The following DENND1A variants were observed in gnomAD, a reference collection of about 807,000 sequenced individuals.
The protein encoded by DENND1A is DENN domain-containing protein 1A.
A neutral mutation model predicts 113.7 loss-of-function variants in DENND1A; 51 were observed. The observed-to-expected ratio is 0.45, with a 90% CI of 0.36 to 0.57. The LOEUF (loss-of-function observed/expected upper bound fraction) is 0.57, where lower values mean the gene tolerates loss of function less well. Among genes scored for constraint, DENND1A ranks in the 20% least tolerant of loss-of-function variants. The pLI is 0.00. For missense variants in DENND1A, 1,258 were observed against 1,395.9 expected, an observed-to-expected ratio of 0.90 and a Z score of 1.57; for synonymous variants, 565 against 570.8, an observed-to-expected ratio of 0.99 and a Z score of 0.14.
chr9:123,384,359 A>C lies in DENND1A; in HGVS notation c.1761-446T>G, dbSNP rs570172062. On this transcript the variant is annotated intron_variant, in intron 22 of 23. Transcript: ENST00000394215. ...CACAGTCAGGTTCTGTGAACAGCCC[A>C]TGGGGAACTGGGCTGGGGAAGCTCT... Among the ~76,000 whole-genome samples, 5 of 152,310 alleles carry C rather than the reference A, an allele frequency of 3.3e-5. No homozygotes were observed. In the South Asian group the frequency reaches 1.0e-3, roughly 32 times the overall value.
chr9:123,847,366 T>C (rs1842765834), intron 2 of DENND1A, among the ~76,000 whole-genome samples: 1 of 150,600 alleles, frequency 6.6e-6, no homozygotes, highest in African/African-American at 2.4e-5. Context: ...AAAAAGCTGG[T>C]CCTAACCAAG....
At chr9:123,850,672 C>T (rs1466775835) in intron 2 of DENND1A, among the ~76,000 whole-genome samples, 3 of 152,120 alleles carry the variant, frequency 2.0e-5, no homozygotes, top group Admixed American at 6.5e-5. Context: ...TACATAAGCT[C>T]GCCATGCCAT....
At chr9:123,532,019 T>C (rs2055363127) in intron 13 of DENND1A, among the ~76,000 whole-genome samples, 1 of 152,194 alleles carries the variant, frequency 6.6e-6, no homozygotes. Flanking sequence ...AGGGTGTGCA[T>C]GTGTGTTCTG....
intron 21 of DENND1A, chr9:123,401,506 G>A: frequency 8.0e-7 from 1 of 1,249,184 alleles, no homozygotes. Context: ...TCTCCTTGTG[G>A]GCCCGAGCCA....
At chr9:123,868,779 A>C (rs1846126528) in intron 2 of DENND1A, among the ~76,000 whole-genome samples, 1 of 152,218 alleles carries the variant, frequency 6.6e-6, no homozygotes, top group Admixed American at 6.5e-5. Flanking sequence ...CTTTAGGAAA[A>C]AGAAGAAATC....
chr9:123,428,083 C>T (rs143633368), intron 19 of DENND1A, among the ~76,000 whole-genome samples: 278 of 152,268 alleles, frequency 1.8e-3, no homozygotes, highest in African/African-American at 5.8e-3. Context: ...GCAGGTAGAT[C>T]GCTTGAGCTC....
At chr9:123,717,936 C>A (rs1214862029) in intron 5 of DENND1A, among the ~76,000 whole-genome samples, 2 of 152,210 alleles carry the variant, frequency 1.3e-5, no homozygotes, top group African/African-American at 2.4e-5. Context: ...CAACTCTTAA[C>A]AACTCTCCCA....
At chr9:123,766,541 C>T (rs995648970) in intron 4 of DENND1A, among the ~76,000 whole-genome samples, 2 of 152,176 alleles carry the variant, frequency 1.3e-5, no homozygotes, top group African/African-American at 2.4e-5. Flanking sequence ...AATCAAACCT[C>T]GTTTCCTTCC....
chr9:123,408,445 A>G (rs532629906), intron 20 of DENND1A, among the ~76,000 whole-genome samples: 3 of 152,332 alleles, frequency 2.0e-5, no homozygotes, highest in African/African-American at 4.8e-5. Flanking sequence ...GGTGCTATAC[A>G]TACACAACCT....
chr9:123,771,739 C>T (rs570523263), intron 3 of DENND1A, among the ~76,000 whole-genome samples: 3 of 152,242 alleles, frequency 2.0e-5, no homozygotes, highest in Admixed American at 1.3e-4. Context: ...TAATAACCAA[C>T]CTTGAACTTG....
At chr9:123,633,042 T>C (rs912597201) in intron 9 of DENND1A, among the ~76,000 whole-genome samples, 1 of 152,122 alleles carries the variant, frequency 6.6e-6, no homozygotes, top group African/African-American at 2.4e-5. Flanking sequence ...TGAGTAGCTG[T>C]GACTACAGGT....
At chr9:123,657,434 A>AGGGGGGGGGGGAGGGGG (rs2063014132) in intron 8 of DENND1A, among the ~76,000 whole-genome samples, 1 of 124,376 alleles carries the variant, frequency 8.0e-6, no homozygotes. Context: ...TGGGGATGGG[A>AGGGGGGGGGGGAGGGGG]GGGGATATAG....
chr9:123,467,330 C>T (rs1016465607), intron 13 of DENND1A, among the ~76,000 whole-genome samples: 1 of 152,124 alleles, frequency 6.6e-6, no homozygotes, highest in African/African-American at 2.4e-5. Context: ...GTCTCCTTTG[C>T]CAATGTCCTT....
At chr9:123,909,526 G>GAAAAAAAAAAAAAAAA (rs1853577987) in intron 1 of DENND1A, among the ~76,000 whole-genome samples, 1 of 151,906 alleles carries the variant, frequency 6.6e-6, no homozygotes, top group Non-Finnish European at 1.5e-5. Flanking sequence ...ACGTAAAAAT[G>GAAAAAAAAAAAAAAAA]GACAGAAACT....
chr9:123,552,441 G>A (rs1031073190), intron 13 of DENND1A, among the ~76,000 whole-genome samples: 3 of 152,340 alleles, frequency 2.0e-5, no homozygotes, highest in East Asian at 1.9e-4. Flanking sequence ...CAGAAGCAGA[G>A]CAGACAGGAG....
Position 123,411,765 on chromosome 9 carries a change from C to CA in DENND1A, c.1542+10dup, listed in dbSNP as rs755708124. The CA allele has an allele frequency of 5.6e-5, 55 of 985,854 alleles. No individual in the cohort carries two copies. Among genetic ancestry groups the CA allele is most frequent in the Non-Finnish European group, 5.1e-5 (42 of 830,054 alleles). 61.1% of individuals were successfully genotyped at this position (985,854 alleles called of 1,614,324 possible). A position where few individuals can be genotyped will look rare whatever the true frequency, so the allele number is the denominator to read the frequency against. ...TGTTAGGTGGGGAGGGCAGAACCAC[C>CA]AGCTACTCACGGGCCTCGAGCGCTG... On this transcript the variant is annotated intron_variant, in intron 20 of 23. Coordinates refer to ENST00000394215, the MANE Select transcript of DENND1A (RefSeq NM_001352964.2).
intron 11 of DENND1A, among the ~76,000 whole-genome samples, chr9:123,592,345 CAT>C (rs1292789538): frequency 2.0e-5 from 3 of 152,226 alleles, no homozygotes; most frequent in African/African-American, 7.2e-5. Context: ...GGCTATGTCT[CAT>C]ATAAAAGTGC....
intron 13 of DENND1A, among the ~76,000 whole-genome samples, chr9:123,462,721 C>T (rs1046771841): frequency 1.3e-5 from 2 of 152,146 alleles, no homozygotes; most frequent in East Asian, 1.9e-4. Context: ...CACTTGAACC[C>T]GGGAGGCGGA....
rs118119263 is a variant in DENND1A, at chr9:123,573,782, G to A, written c.867+9387C>T. 5.9e-3 allele frequency among the ~76,000 whole-genome samples: 894 copies of A among 151,748 alleles called. 13 individuals carry two copies. The highest frequency in any genetic ancestry group is 0.044 in the South Asian group (209 of 4,792). The stretch of plus-strand genomic sequence containing the variant: ...CTCTTTTCCCTGTCTTAGTGAACTG[G>A]TGGGAACCTCCAGTACAATGTTGAA... On this transcript the variant is annotated intron_variant, in intron 12 of 23. Transcript: ENST00000394215.
Sources: allele counts gnomAD v4.1 joint callset (sites outside exome capture counted in the v4.1 genomes callset), GRCh38; gene constraint gnomAD v4.1.1; transcripts MANE v1.5; gene names NCBI Gene and HGNC (gene_info 2026-07-23, HGNC 2026-07-21).